Variants in GABRB2 observed in about 807,000 individuals in gnomAD.
GABRB2 encodes the protein gamma-aminobutyric acid type A receptor subunit beta2, also known as gamma-aminobutyric acid receptor subunit beta-2.
Under a neutral mutation model 54.7 loss-of-function variants are expected in GABRB2, and 16 were observed. The observed-to-expected ratio is 0.29, with a 90% CI of 0.20 to 0.44. The LOEUF (loss-of-function observed/expected upper bound fraction) is 0.44, where lower values mean the gene tolerates loss of function less well. Ranked by LOEUF, GABRB2 falls within the 20% of genes least tolerant of loss-of-function variation. The pLI is 1.00. For synonymous variants in GABRB2, 244 were observed against 233.8 expected, an observed-to-expected ratio of 1.04 and a Z score of -0.40; for missense variants, 355 against 644.0, an observed-to-expected ratio of 0.55 and a Z score of 4.86.
chr5:161,492,841 A>T (rs2113356814), intron 3 of GABRB2, among the ~76,000 whole-genome samples: 1 of 151,890 alleles, frequency 6.6e-6, no homozygotes, highest in South Asian at 2.1e-4. Context: ...CTTTCAAATG[A>T]GTACATGTGA....
At chr5:161,492,364 A>C (rs913965039) in intron 3 of GABRB2, among the ~76,000 whole-genome samples, 1 of 151,690 alleles carries the variant, frequency 6.6e-6, no homozygotes, top group Admixed American at 6.6e-5. Context: ...CCTTCTCATT[A>C]TTCTATTCCC....
chr5:161,509,889 A>G (rs1759714639), intron 3 of GABRB2, among the ~76,000 whole-genome samples: 1 of 151,984 alleles, frequency 6.6e-6, no homozygotes, highest in Non-Finnish European at 1.5e-5. Context: ...TCTTTCTATA[A>G]CATTAATCTA....
chr5:161,407,282 A>T (rs1404483940), intron 5 of GABRB2, among the ~76,000 whole-genome samples: 1 of 152,090 alleles, frequency 6.6e-6, no homozygotes, highest in Non-Finnish European at 1.5e-5. Flanking sequence ...TATCCCCCTG[A>T]CTATTCCTAT....
At chr5:161,432,598 T>G (rs2113180411) in intron 4 of GABRB2, among the ~76,000 whole-genome samples, 1 of 152,318 alleles carries the variant, frequency 6.6e-6, no homozygotes, top group Non-Finnish European at 1.5e-5. Flanking sequence ...AAAAGGTGCA[T>G]GCTTTTTAAC....
At chr5:161,502,407 C>A (rs1184603422) in intron 3 of GABRB2, among the ~76,000 whole-genome samples, 1 of 152,072 alleles carries the variant, frequency 6.6e-6, no homozygotes, top group Non-Finnish European at 1.5e-5. Flanking sequence ...GGCTAATCTA[C>A]AAATCTAATG....
chr5:161,456,514 C>T (rs1316752658), intron 4 of GABRB2, among the ~76,000 whole-genome samples: 1 of 152,160 alleles, frequency 6.6e-6, no homozygotes, highest in Middle Eastern at 3.4e-3. Flanking sequence ...TCTTTATTTC[C>T]ATCTTGCCAG....
At chr5:161,512,774 T>A (rs993702184) in intron 3 of GABRB2, among the ~76,000 whole-genome samples, 4 of 151,844 alleles carry the variant, frequency 2.6e-5, no homozygotes, top group African/African-American at 9.7e-5. Context: ...AGTAAACACA[T>A]GACCTACAGA....
At chr5:161,462,280 A>C (rs1228965142) in intron 3 of GABRB2, among the ~76,000 whole-genome samples, 1 of 152,224 alleles carries the variant, frequency 6.6e-6, no homozygotes, top group Non-Finnish European at 1.5e-5. Flanking sequence ...GGATCTCTAG[A>C]GGAGCATGTT....
chr5:161,433,051 G>A (rs1757212377), intron 4 of GABRB2, among the ~76,000 whole-genome samples: 1 of 152,076 alleles, frequency 6.6e-6, no homozygotes. Flanking sequence ...GCTCTTCAAT[G>A]TGTGAGCAAT....
intron 5 of GABRB2, among the ~76,000 whole-genome samples, chr5:161,358,536 A>G (rs1204185803): frequency 6.6e-6 from 1 of 152,196 alleles, no homozygotes; most frequent in African/African-American, 2.4e-5. Flanking sequence ...AGAGAAGTAA[A>G]AAAACGATGG....
At chr5:161,371,815 A>G (rs1403858336) in intron 5 of GABRB2, among the ~76,000 whole-genome samples, 1 of 151,918 alleles carries the variant, frequency 6.6e-6, no homozygotes, top group African/African-American at 2.4e-5. Flanking sequence ...ACGACCTCCC[A>G]AGCTCTAGCG....
intron 3 of GABRB2, among the ~76,000 whole-genome samples, chr5:161,476,292 CAAAT>C (rs966574931): frequency 4.6e-5 from 7 of 151,920 alleles, no homozygotes; most frequent in South Asian, 2.1e-4. Flanking sequence ...ATTAAAGACA[CAAAT>C]GAATGAAAAT....
intron 5 of GABRB2, among the ~76,000 whole-genome samples, chr5:161,368,116 G>GACACACAC (rs11467721): frequency 0.084 from 12,105 of 144,862 alleles, 662 homozygotes; most frequent in Admixed American, 0.18. Context: ...CTCCCTCTCT[G>GACACACAC]ACACACACAC....
chr5:161,523,799 G>C (rs943339130), intron 3 of GABRB2, among the ~76,000 whole-genome samples: 1 of 151,092 alleles, frequency 6.6e-6, no homozygotes, highest in African/African-American at 2.4e-5. Flanking sequence ...TATATATACT[G>C]TAGGACTACT....
chr5:161,295,537 T>C (rs547913723), intron 9 of GABRB2, among the ~76,000 whole-genome samples: 2 of 152,246 alleles, frequency 1.3e-5, no homozygotes, highest in South Asian at 2.1e-4. Flanking sequence ...GGAAAAAAGA[T>C]GGCCAGTGAT....
At chr5:161,511,536 T>C (rs1759767511) in intron 3 of GABRB2, among the ~76,000 whole-genome samples, 1 of 152,034 alleles carries the variant, frequency 6.6e-6, no homozygotes, top group African/African-American at 2.4e-5. Context: ...TTACCATAGG[T>C]ATATTATGTA....
At chr5:161,410,878 G>A in intron 5 of GABRB2, 97 bp downstream of exon 5, 5 of 854,682 alleles carry the variant, frequency 5.9e-6, no homozygotes, top group Non-Finnish European at 9.3e-6. Context: ...CAGAACCTTT[G>A]CAGGGCCTGT....
At chr5:161,396,275 T>C (rs960693020) in intron 5 of GABRB2, among the ~76,000 whole-genome samples, 1 of 152,176 alleles carries the variant, frequency 6.6e-6, no homozygotes, top group Admixed American at 6.5e-5. Context: ...CACAGACTGC[T>C]TAGCCTTTAC....
At chr5:161,534,032 T>C (rs1760550394) in intron 3 of GABRB2, among the ~76,000 whole-genome samples, 1 of 152,174 alleles carries the variant, frequency 6.6e-6, no homozygotes, top group Non-Finnish European at 1.5e-5. Flanking sequence ...TTTCCCACAA[T>C]GTGCTAATAA....
Sources: allele counts gnomAD v4.1 joint callset (sites outside exome capture counted in the v4.1 genomes callset), GRCh38; gene constraint gnomAD v4.1.1; transcripts MANE v1.5; gene names NCBI Gene and HGNC (gene_info 2026-07-23, HGNC 2026-07-21).